Variants in SLC41A2 observed in about 807,000 individuals in gnomAD.
The protein encoded by SLC41A2 is SLC41A1-like 1.
SLC41A2 carries 32 observed loss-of-function variants against 58.3 expected under a neutral mutation model. The ratio of observed to expected loss-of-function variants is 0.55; its 90% CI spans 0.41 to 0.74. The LOEUF is 0.74. SLC41A2 is among the 30% of genes least tolerant of loss of function. The pLI, the probability that SLC41A2 is intolerant of heterozygous loss-of-function variation, is 0.00. For missense variants in SLC41A2, 514 were observed against 680.6 expected (o/e 0.76, Z 2.72); for synonymous variants, 190 against 235.0 (o/e 0.81, Z 1.75).
At chr12:104,900,245 T>C (rs2045496072) in intron 3 of SLC41A2, among the ~76,000 whole-genome samples, 1 of 152,232 alleles carries the variant, frequency 6.6e-6, no homozygotes, top group African/African-American at 2.4e-5. Flanking sequence ...TGCCTTCAAA[T>C]AGTTTTCCAG....
intron 3 of SLC41A2, among the ~76,000 whole-genome samples, chr12:104,899,098 C>G (rs1565884775): frequency 6.6e-6 from 1 of 152,172 alleles, no homozygotes; most frequent in Non-Finnish European, 1.5e-5. Flanking sequence ...GTACTCTTCA[C>G]TCGAGAACTT....
chr12:104,816,697 C>T lies in SLC41A2; in HGVS notation c.1537-11360G>A, dbSNP rs1291603011. Among the ~76,000 whole-genome samples the T allele has an allele frequency of 2.6e-5, 4 of 152,328 alleles. No homozygotes were observed. In the East Asian group the frequency reaches 5.8e-4, roughly 22 times the overall value. On this transcript the variant is annotated intron_variant, in intron 10 of 10. Coordinates refer to ENST00000258538, the MANE Select transcript of SLC41A2 (RefSeq NM_001352171.3). ...GAAAGAAACTTATCTGACTGTGGTA[C>T]TAACATGGTGGGAAAAAAGTCTCCC... is the stretch of plus-strand genomic sequence containing the variant.
At position 104,931,829 on chromosome 12, in the gene SLC41A2, G is replaced by T. The variant is rs1324778510; in HGVS notation, c.-167-3135C>A. The T allele has an allele frequency of 2.0e-5, 3 of 152,214 alleles. No homozygotes were observed. In the East Asian group the frequency reaches 5.8e-4, roughly 29 times the overall value. The allele number at this position is 152,214 out of a possible 1,614,324, so 9.4% of individuals were successfully genotyped here. On this transcript the variant is annotated intron_variant, in intron 1 of 10. Coordinates refer to ENST00000258538, the MANE Select transcript of SLC41A2 (RefSeq NM_001352171.3). Reference sequence around the variant, plus strand: ...GGAATCAGAGCTAGGCGGTAAGAGAGTCCTGACAACATAATTAGAATCTCT... The same window carrying T: ...GGAATCAGAGCTAGGCGGTAAGAGATTCCTGACAACATAATTAGAATCTCT...
chr12:104,938,890 C>A (rs2047389392), intron 1 of SLC41A2, among the ~76,000 whole-genome samples: 1 of 152,162 alleles, frequency 6.6e-6, no homozygotes, highest in African/African-American at 2.4e-5. Flanking sequence ...AGTCTATGGA[C>A]AAGGAGTTTT....
intron 8 of SLC41A2, among the ~76,000 whole-genome samples, chr12:104,858,202 TAATA>T (rs2043086751): frequency 6.6e-6 from 1 of 152,138 alleles, no homozygotes; most frequent in Non-Finnish European, 1.5e-5. Flanking sequence ...TGAAAGACAT[TAATA>T]AATATTAAAA....
chr12:104,956,346 A>AT (rs1023204338), intron 1 of SLC41A2, among the ~76,000 whole-genome samples: 6 of 152,102 alleles, frequency 3.9e-5, no homozygotes. Context: ...ATTAACAGAA[A>AT]TTTTTTTCCA....
intron 1 of SLC41A2, among the ~76,000 whole-genome samples, chr12:104,932,238 A>G (rs2047081078): frequency 6.6e-6 from 1 of 152,218 alleles, no homozygotes; most frequent in Non-Finnish European, 1.5e-5. Context: ...TTCTCGCTGA[A>G]TAATGAATTA....
chr12:104,926,518 G>A (rs2046845818), intron 2 of SLC41A2, among the ~76,000 whole-genome samples: 1 of 151,846 alleles, frequency 6.6e-6, no homozygotes, highest in South Asian at 2.1e-4. Context: ...AACTTGGGAG[G>A]TGGAGATTGC....
intron 9 of SLC41A2, 30 bp downstream of exon 9, chr12:104,845,813 T>TA (rs1440191114): frequency 6.3e-7 from 1 of 1,585,268 alleles, no homozygotes; most frequent in Admixed American, 1.7e-5. Context: ...GCCCTTGATC[T>TA]AAAATATGCA....
At chr12:104,833,329 G>A (rs2042101871) in intron 10 of SLC41A2, among the ~76,000 whole-genome samples, 1 of 152,042 alleles carries the variant, frequency 6.6e-6, no homozygotes, top group Admixed American at 6.6e-5. Context: ...TATCCCTAGG[G>A]GCCAACCAAA....
chr12:104,812,967 T>C (rs1453756549), intron 10 of SLC41A2, among the ~76,000 whole-genome samples: 1 of 151,808 alleles, frequency 6.6e-6, no homozygotes, highest in Non-Finnish European at 1.5e-5. Context: ...TCACCTGAGG[T>C]CAGGAGTTTG....
At chr12:104,820,595 C>T (rs867156564) in intron 10 of SLC41A2, among the ~76,000 whole-genome samples, 1 of 152,064 alleles carries the variant, frequency 6.6e-6, no homozygotes, top group African/African-American at 2.4e-5. Context: ...TAAATATTTA[C>T]GTACTTGACA....
rs1019026331 is a variant in SLC41A2 at position 104,866,380 on chromosome 12, GTACACACACACACA to G, written c.1175+38_1175+51del. The G allele has an allele frequency of 3.6e-6, 5 of 1,381,756 alleles. No individual in the cohort carries two copies. The African/African-American group carries it at 6.0e-5, about 16-fold the overall frequency. 85.6% of individuals were successfully genotyped at this position (1,381,756 alleles called of 1,614,324 possible). ...AGAAGACACACAAAGACAGACAGAC[GTACACACACACACA>G]CACACACACACACACACACACATAT... On this transcript the variant is annotated intron_variant, in intron 7 of 10. Coordinates refer to ENST00000258538, the MANE Select transcript of SLC41A2 (RefSeq NM_001352171.3).
intron 10 of SLC41A2, among the ~76,000 whole-genome samples, chr12:104,808,332 T>C (rs1170019217): frequency 6.6e-6 from 1 of 152,152 alleles, no homozygotes; most frequent in Non-Finnish European, 1.5e-5. Flanking sequence ...AATCATGTGG[T>C]TTTTGTCGTT....
intron 10 of SLC41A2, among the ~76,000 whole-genome samples, chr12:104,817,299 G>A (rs2041450797): frequency 6.6e-6 from 1 of 152,176 alleles, no homozygotes; most frequent in African/African-American, 2.4e-5. Context: ...CTTTGGGTGA[G>A]TCAGTGAATG....
Position 104,853,911 on chromosome 12 carries a change from A to ATTATTATTATTTTTTTT in SLC41A2, c.1255+7379_1255+7380insAAAAAAAATAATAATAA. Among the ~76,000 whole-genome samples the ATTATTATTATTTTTTTT allele has an allele frequency of 1.5e-3, 91 of 59,496 alleles. 3 individuals are homozygous for ATTATTATTATTTTTTTT. The highest frequency in any genetic ancestry group is 2.6e-3 in the African/African-American group (38 of 14,476). The allele number at this position is 59,496 out of a possible 152,430, so 39.0% of individuals were successfully genotyped here. A position where few individuals can be genotyped will look rare whatever the true frequency, so the allele number is the denominator to read the frequency against. On this transcript the variant is annotated intron_variant, in intron 8 of 10. Coordinates refer to ENST00000258538, the MANE Select transcript of SLC41A2 (RefSeq NM_001352171.3). ...GGGTGCATGTCACCATGCCTGGCTG[A>ATTATTATTATTTTTTTT]TTTTTTTTTTTTTTTTTTTTTTTTT... is the stretch of plus-strand genomic sequence containing the variant.
intron 3 of SLC41A2, among the ~76,000 whole-genome samples, chr12:104,905,609 T>C (rs2045801501): frequency 6.6e-6 from 1 of 151,922 alleles, no homozygotes; most frequent in African/African-American, 2.4e-5. Context: ...GCCCATGGAG[T>C]GGGTGGGAGG....
chr12:104,816,488 C>T (rs2041409347), intron 10 of SLC41A2, among the ~76,000 whole-genome samples: 1 of 152,174 alleles, frequency 6.6e-6, no homozygotes, highest in South Asian at 2.1e-4. Context: ...CACTTGTGCC[C>T]TCTGCCTCTC....
At chr12:104,898,498 T>C (rs561765475) in intron 3 of SLC41A2, among the ~76,000 whole-genome samples, 64 of 151,038 alleles carry the variant, frequency 4.2e-4, no homozygotes, top group African/African-American at 1.4e-3. Context: ...GTACTGAAAG[T>C]CTCCATTCAT....
Sources: gnomAD v4.1 joint callset for allele counts (sites outside exome capture counted in the v4.1 genomes callset) on GRCh38, gnomAD v4.1.1 for gene constraint, MANE v1.5 for transcripts, NCBI Gene and HGNC (gene_info 2026-07-23, HGNC 2026-07-21) for gene names.